The following BTBD3 variants were observed in gnomAD, a reference collection of about 807,000 sequenced individuals.
BTBD3 encodes BTB/POZ domain-containing protein 3.
In BTBD3, 14 loss-of-function variants were observed where a neutral mutation model predicts 41.6. That is an observed-to-expected ratio of 0.34 (90% CI 0.22 to 0.53). BTBD3 has a LOEUF of 0.53. BTBD3 is among the 20% of genes least tolerant of loss of function. BTBD3 has a pLI of 0.95. For synonymous variants in BTBD3, 249 were observed against 233.7 expected (o/e 1.07, Z -0.60); for missense variants, 426 against 654.7 (o/e 0.65, Z 3.81).
At chr20:11,899,604 C>T (rs888122653) in intron 1 of BTBD3, among the ~76,000 whole-genome samples, 5 of 151,800 alleles carry the variant, frequency 3.3e-5, no homozygotes, top group African/African-American at 1.2e-4. Flanking sequence ...ATGTGCAGGA[C>T]ATGAAGATTT....
chr20:11,913,717 G>A (rs879130109), upstream of BTBD3: 3 of 152,128 alleles, frequency 2.0e-5, no homozygotes, highest in East Asian at 1.9e-4. Context: ...CTGGAGTCCC[G>A]TTCAGTTTCA....
intron 1 of BTBD3, among the ~76,000 whole-genome samples, chr20:11,894,822 G>T (rs1365121074): frequency 6.6e-6 from 1 of 152,070 alleles, no homozygotes; most frequent in African/African-American, 2.4e-5. Flanking sequence ...AAAAACTCAG[G>T]AGAAGCAGTA....
rs114413832 is a variant in BTBD3, at chr20:11,901,420, G to A, written c.-126+10466G>A. Among the ~76,000 whole-genome samples the A allele has an allele frequency of 4.5e-3, 690 of 152,288 alleles. 8 individuals are homozygous for A. The highest frequency in any genetic ancestry group is 0.016 in the African/African-American group (646 of 41,558). On this transcript the variant is annotated intron_variant, in intron 1 of 4. Coordinates refer to the BTBD3 transcript ENST00000254977. ...GAAAGTGGTCAACAGTGGAGGGAGCGTGCACATGTGCAGTCACTTTTGATC... is the reference window on the plus strand; with the variant it reads ...GAAAGTGGTCAACAGTGGAGGGAGCATGCACATGTGCAGTCACTTTTGATC...
rs965819668 is a variant in BTBD3, at chr20:11,923,843, C to T, written c.*177C>T. On this transcript the variant is annotated 3_prime_UTR_variant, in exon 4 of 4. Coordinates refer to ENST00000378226, the MANE Select transcript of BTBD3 (RefSeq NM_014962.4). The surrounding 1 kb of genome is among the most constrained non-coding windows in gnomAD (Gnocchi z 5.3). ...TATGTACAGGCAAAAATGCAGCATT[C>T]CGCTTTTAACTATCTGCTTAAAAGA... 3 of 612,286 alleles carry T rather than the reference C, an allele frequency of 4.9e-6. No individual in the cohort carries two copies. In the African/African-American group the frequency reaches 5.5e-5, roughly 11 times the overall value. The allele number at this position is 612,286 out of a possible 1,614,324, so 37.9% of individuals were successfully genotyped here.
chr20:11,919,206 C>T (rs747923329), intron 2 of BTBD3, 30 bp downstream of exon 2: 2 of 1,590,684 alleles, frequency 1.3e-6, no homozygotes, highest in Non-Finnish European at 1.7e-6. Context: ...CCGGTTTAGT[C>T]CTGACGTTTA....
rs544206955 is a variant in BTBD3, at chr20:11,898,311, A to G, written c.-126+7357A>G. 8.6e-5 allele frequency among the ~76,000 whole-genome samples: 13 copies of G among 151,932 alleles called. No homozygotes were observed. The East Asian group carries it at 2.5e-3, about 29-fold the overall frequency. On this transcript the variant is annotated intron_variant, in intron 1 of 4. Transcript: ENST00000254977. Reference sequence around the variant, plus strand: ...CCTTGAACGTGGCAGGCACATTTCCATTTTAGGTCTTTGCACTGGACTTTT... The same window carrying G: ...CCTTGAACGTGGCAGGCACATTTCCGTTTTAGGTCTTTGCACTGGACTTTT...
intron 1 of BTBD3, among the ~76,000 whole-genome samples, chr20:11,892,900 AGTT>A (rs919821872): frequency 6.6e-6 from 1 of 152,178 alleles, no homozygotes; most frequent in African/African-American, 2.4e-5. Context: ...TTAGCTTTTA[AGTT>A]GTTTTGTTCC....
rs1002511831 is a variant in BTBD3 at position 11,909,248 on chromosome 20, T to C, written c.-125-9086T>C. On this transcript the variant is annotated intron_variant, in intron 1 of 4. Transcript: ENST00000254977. ...GAGATTGTGCCATTGTGCTCCAGCC[T>C]GGGCAACAAGGGCGAAACCCCCTGT... Among the ~76,000 whole-genome samples the C allele has an allele frequency of 2.1e-5, 3 of 142,210 alleles. No homozygotes were observed. In the Admixed American group the frequency reaches 2.2e-4, roughly 10 times the overall value. The allele number at this position is 142,210 out of a possible 152,430, so 93.3% of individuals were successfully genotyped here.
intron 1 of BTBD3, among the ~76,000 whole-genome samples, chr20:11,907,885 C>G (rs1234416752): frequency 6.6e-6 from 1 of 152,178 alleles, no homozygotes; most frequent in African/African-American, 2.4e-5. Context: ...GCCATGCTTC[C>G]TCTCACTGGG....
At chr20:11,912,127 A>T (rs2056893186) in intron 1 of BTBD3, among the ~76,000 whole-genome samples, 1 of 152,134 alleles carries the variant, frequency 6.6e-6, no homozygotes, top group South Asian at 2.1e-4. Context: ...TATACTGTGG[A>T]CAGCACTGAG....
chr20:11,899,497 T>C (rs1033714024), intron 1 of BTBD3, among the ~76,000 whole-genome samples: 2 of 152,214 alleles, frequency 1.3e-5, no homozygotes, highest in East Asian at 3.8e-4. Flanking sequence ...CTTCCCTTTA[T>C]TTTCCATGGC....
intron 1 of BTBD3, among the ~76,000 whole-genome samples, chr20:11,912,009 T>A (rs1490774639): frequency 6.6e-6 from 1 of 152,154 alleles, no homozygotes. Flanking sequence ...ATTCTACCTT[T>A]GGGCATTCCT....
Position 11,923,487 on chromosome 20 carries a change from G to C in BTBD3, c.1390G>C (p.Asp464His). The change falls in exon 4 of 4, where the codon GAC becomes CAC. Residue 464 changes from aspartate (D) to histidine (H), a missense_variant. Coordinates refer to ENST00000378226, the MANE Select transcript of BTBD3 (RefSeq NM_014962.4). The surrounding 1 kb of genome is among the most constrained non-coding windows in gnomAD (Gnocchi z 5.3). ...WFEYPVQIEP[D>H]TFYTASVILD... ...TGAATACCCAGTGCAGATCGAGCCA[G>C]ACACCTTCTACACAGCCAGTGTGAT... The C allele has an allele frequency of 1.2e-6, 2 of 1,614,174 alleles. No homozygotes were observed. The highest frequency in any genetic ancestry group is 1.1e-5 in the South Asian group (1 of 91,080).
intron 1 of BTBD3, among the ~76,000 whole-genome samples, chr20:11,895,671 A>T (rs2056782458): frequency 1.3e-5 from 2 of 152,204 alleles, no homozygotes; most frequent in Admixed American, 1.3e-4. Context: ...TCTTCCAAGA[A>T]CAAATCTCTA....
chr20:11,905,858 G>A (rs2056850161), intron 1 of BTBD3, among the ~76,000 whole-genome samples: 1 of 152,144 alleles, frequency 6.6e-6, no homozygotes, highest in East Asian at 1.9e-4. Context: ...AGATGTTGCT[G>A]GGAGGTTGCA....
upstream of BTBD3, among the ~76,000 whole-genome samples, chr20:11,916,653 A>G (rs1336105404): frequency 2.0e-5 from 3 of 152,232 alleles, no homozygotes; most frequent in Non-Finnish European, 4.4e-5. Flanking sequence ...ATTATTAATT[A>G]TAACAATAAC....
chr20:11,920,626 C>T (rs538461326), intron 3 of BTBD3, among the ~76,000 whole-genome samples: 2 of 152,234 alleles, frequency 1.3e-5, no homozygotes, highest in Admixed American at 1.3e-4. Flanking sequence ...TGTGGTAGTT[C>T]ACCAAGTGAT....
intron 1 of BTBD3, among the ~76,000 whole-genome samples, chr20:11,904,856 CG>C (rs925443347): frequency 2.0e-5 from 3 of 152,142 alleles, no homozygotes; most frequent in Admixed American, 2.0e-4. Context: ...AAAACCATAT[CG>C]ATGAACGTTT....
exon 1 of BTBD3, chr20:11,890,893 G>A (rs2056746107): frequency 3.0e-6 from 3 of 984,904 alleles, no homozygotes; most frequent in South Asian, 9.4e-5. Context: ...GGGGCCTGAG[G>A]AGCGGGCACA....
Sources: allele counts gnomAD v4.1 joint callset (sites outside exome capture counted in the v4.1 genomes callset), GRCh38; gene constraint gnomAD v4.1.1; non-coding constraint Gnocchi (gnomAD v3.1); transcripts MANE v1.5; gene names NCBI Gene and HGNC (gene_info 2026-07-23, HGNC 2026-07-21).